GALNTL6: variants seen among roughly 807,000 people sequenced by gnomAD.
GALNTL6 encodes the protein polypeptide N-acetylgalactosaminyltransferase like 6, also known as polypeptide N-acetylgalactosaminyltransferase-like 6.
In GALNTL6, 46 loss-of-function variants were observed where a neutral mutation model predicts 73.7. That is an observed-to-expected ratio of 0.62 (90% CI 0.49 to 0.80). The LOEUF is 0.80. Among genes scored for constraint, GALNTL6 ranks in the 30% least tolerant of loss-of-function variants. The probability of loss-of-function intolerance (pLI) is 0.00; values close to 1 mark genes in which losing one functional copy is unlikely to be tolerated. For missense variants in GALNTL6, 604 were observed against 755.0 expected, an observed-to-expected ratio of 0.80 and a Z score of 2.34; for synonymous variants, 259 against 263.7, an observed-to-expected ratio of 0.98 and a Z score of 0.17.
At chr4:172,707,080 G>A (rs959528389) in intron 5 of GALNTL6, among the ~76,000 whole-genome samples, 6 of 152,074 alleles carry the variant, frequency 3.9e-5, no homozygotes, top group South Asian at 2.1e-4. Context: ...ATCAGTCCAC[G>A]GGGACTTTTC....
At chr4:171,832,862 A>G (rs1002081874) in intron 2 of GALNTL6, among the ~76,000 whole-genome samples, 1 of 151,804 alleles carries the variant, frequency 6.6e-6, no homozygotes, top group Non-Finnish European at 1.5e-5. Flanking sequence ...GTATTTCTAG[A>G]CAAACATAAA....
intron 2 of GALNTL6, among the ~76,000 whole-genome samples, chr4:171,882,580 C>T (rs1395478093): frequency 1.3e-5 from 2 of 152,158 alleles, no homozygotes; most frequent in African/African-American, 4.8e-5. Context: ...GGCCCGAGAA[C>T]CCCCGGGCAA....
chr4:172,195,464 A>C lies in GALNTL6; in HGVS notation c.139-34192A>C, dbSNP rs1002431382. ...TAGATATCTACAGAACTCTCCACCC[A>C]AAAACAGCAGAATATAAATTCTTCT... On this transcript the variant is annotated intron_variant, in intron 2 of 12. Transcript: ENST00000506823. 7.2e-5 allele frequency among the ~76,000 whole-genome samples: 11 copies of C among 152,086 alleles called. No individual in the cohort carries two copies. The East Asian group carries it at 7.7e-4, about 11-fold the overall frequency.
intron 5 of GALNTL6, among the ~76,000 whole-genome samples, chr4:172,606,600 ATACATATATACATATATAG>A (rs1738286316): frequency 1.8e-5 from 2 of 113,426 alleles, no homozygotes; most frequent in African/African-American, 6.0e-5. Context: ...ATACACATAT[ATACATATATACATATATAG>A]TATATATATA....
chr4:172,802,517 C>T (rs757076978), intron 5 of GALNTL6, among the ~76,000 whole-genome samples: 1 of 152,076 alleles, frequency 6.6e-6, no homozygotes, highest in Non-Finnish European at 1.5e-5. Context: ...ATAAGGGGGC[C>T]GGGCGCAGTG....
intron 11 of GALNTL6, among the ~76,000 whole-genome samples, chr4:173,018,862 C>T (rs187177094): frequency 4.3e-4 from 66 of 152,268 alleles, no homozygotes; most frequent in African/African-American, 1.6e-3. Context: ...AGAGTTTGAA[C>T]TTTATTCTCT....
intron 5 of GALNTL6, among the ~76,000 whole-genome samples, chr4:172,644,909 T>C (rs139935311): frequency 5.9e-5 from 9 of 152,152 alleles, no homozygotes; most frequent in African/African-American, 1.9e-4. Context: ...GGTGGGTGGA[T>C]GGTAGCATCA....
chr4:172,894,105 TA>T lies in GALNTL6; in HGVS notation c.1041+11199del, dbSNP rs1302534260. On this transcript the variant is annotated intron_variant, in intron 8 of 12. Coordinates refer to ENST00000506823, the MANE Select transcript of GALNTL6 (RefSeq NM_001034845.3). ...GTTCAAAGTGTGATGGTTTACTCAA[TA>T]TTTTGTTTCCTCTCAGTGGGAGAGG... Among the ~76,000 whole-genome samples the T allele has an allele frequency of 5.3e-4, 80 of 152,344 alleles. 1 individual carries two copies. The highest frequency in any genetic ancestry group is 1.9e-3 in the African/African-American group (79 of 41,580).
intron 2 of GALNTL6, among the ~76,000 whole-genome samples, chr4:171,957,083 C>A (rs1028834733): frequency 6.6e-6 from 1 of 152,156 alleles, no homozygotes; most frequent in African/African-American, 2.4e-5. Context: ...TTGTAGTGTA[C>A]CTAAATCCTG....
intron 2 of GALNTL6, among the ~76,000 whole-genome samples, chr4:172,096,950 C>T (rs996155726): frequency 1.3e-5 from 2 of 152,174 alleles, no homozygotes; most frequent in Non-Finnish European, 1.5e-5. Flanking sequence ...TATTCTTGCA[C>T]GCCAACATCA....
intron 5 of GALNTL6, among the ~76,000 whole-genome samples, chr4:172,697,047 T>C (rs1260887398): frequency 6.6e-6 from 1 of 152,230 alleles, no homozygotes; most frequent in Non-Finnish European, 1.5e-5. Flanking sequence ...ACAATAATTC[T>C]TCAAAGATAT....
At chr4:172,465,484 GA>G (rs200106457) in intron 5 of GALNTL6, among the ~76,000 whole-genome samples, 5 of 147,886 alleles carry the variant, frequency 3.4e-5, no homozygotes, top group African/African-American at 7.5e-5. Context: ...CTCAAAAAAA[GA>G]AAAAAAAAGA....
chr4:171,841,444 A>G (rs1017489539), intron 2 of GALNTL6, among the ~76,000 whole-genome samples: 1 of 152,158 alleles, frequency 6.6e-6, no homozygotes, highest in Non-Finnish European at 1.5e-5. Flanking sequence ...ACAAAAACAA[A>G]TATAGCTTAA....
chr4:172,882,876 G>A lies in GALNTL6; in HGVS notation c.1010G>A (p.Trp337Ter). The A allele has an allele frequency of 6.2e-7, 1 of 1,607,498 alleles. No individual in the cohort carries two copies. Among genetic ancestry groups the A allele is most frequent in the African/African-American group, 1.3e-5 (1 of 74,832 alleles). ...GGCTATGATCCAGGTTTAGAAATCT[G>A]GGGAGGAGAACAGTATGAAATCTCT... ...LGGYDPGLEI[W>*]GGEQYEISFK... is the part of the protein sequence containing the mutation. Residue 337 changes from tryptophan (W) to a stop codon, truncating the protein, a stop_gained, in exon 8 of 13, where the codon TGG becomes TAG. Coordinates refer to ENST00000506823, the MANE Select transcript of GALNTL6 (RefSeq NM_001034845.3). LOFTEE classifies it high-confidence loss of function.
intron 7 of GALNTL6, among the ~76,000 whole-genome samples, chr4:172,878,793 T>C (rs1005456825): frequency 6.6e-6 from 1 of 151,842 alleles, no homozygotes; most frequent in Non-Finnish European, 1.5e-5. Flanking sequence ...AATAATCATA[T>C]TGAAAGTAAG....
chr4:172,177,806 C>CACATGTGTATATATATACACATGTGTAT (rs1735082409), intron 2 of GALNTL6, among the ~76,000 whole-genome samples: 1 of 119,462 alleles, frequency 8.4e-6, no homozygotes, highest in Non-Finnish European at 1.6e-5. Context: ...TATACACACA[C>CACATGTGTATATATATACACATGTGTAT]ATATATGTGT....
At chr4:172,644,723 A>C (rs1425138664) in intron 5 of GALNTL6, among the ~76,000 whole-genome samples, 1 of 152,000 alleles carries the variant, frequency 6.6e-6, no homozygotes, top group African/African-American at 2.4e-5. Context: ...GTGTCTGTAT[A>C]TGGAGCGAAA....
intron 5 of GALNTL6, among the ~76,000 whole-genome samples, chr4:172,626,550 T>A (rs1216522986): frequency 6.6e-6 from 1 of 152,106 alleles, no homozygotes; most frequent in Non-Finnish European, 1.5e-5. Context: ...CTGTGAAAAA[T>A]TGCATTAGTA....
chr4:172,316,470 T>A (rs1740544204), intron 4 of GALNTL6, among the ~76,000 whole-genome samples: 1 of 152,210 alleles, frequency 6.6e-6, no homozygotes, highest in Non-Finnish European at 1.5e-5. Flanking sequence ...AGAAATAGTT[T>A]TAGCTTCATG....
Sources: gnomAD v4.1 joint callset for allele counts (sites outside exome capture counted in the v4.1 genomes callset) on GRCh38, gnomAD v4.1.1 for gene constraint, MANE v1.5 for transcripts, NCBI Gene and HGNC (gene_info 2026-07-23, HGNC 2026-07-21) for gene names.